ZNF273: variants seen among roughly 807,000 people sequenced by gnomAD.
The protein encoded by ZNF273 is zinc finger protein 273, also known as zinc finger protein 9.
In ZNF273, 11 loss-of-function variants were observed where a neutral mutation model predicts 14.9. That is an observed-to-expected ratio of 0.74 (90% CI 0.46 to 1.22). ZNF273 has a LOEUF of 1.22. Among genes scored for constraint, ZNF273 ranks in the 50% most tolerant of loss-of-function variants. ZNF273 has a pLI of 0.00. For missense variants in ZNF273, 577 were observed against 660.6 expected (o/e 0.87, Z 1.39); for synonymous variants, 199 against 223.9 (o/e 0.89, Z 0.99).
chr7:64,937,266 A>G, the ZNF273 span, among the ~76,000 whole-genome samples: 1 of 152,206 alleles, frequency 6.6e-6, no homozygotes, highest in African/African-American at 2.4e-5. Flanking sequence ...CTCTACCCAC[A>G]TTGACTAATA....
chr7:64,922,062 T>G lies in ZNF273; in HGVS notation c.325+3770T>G, dbSNP rs1010516086. Reference sequence around the variant, plus strand: ...ATTTGACTCAATGCTAAAATGAGTCTCTTGTAGGCAGCATATTTTATGCTT... The same window carrying G: ...ATTTGACTCAATGCTAAAATGAGTCGCTTGTAGGCAGCATATTTTATGCTT... On this transcript the variant is annotated intron_variant, in intron 3 of 3. Coordinates refer to ENST00000476120, the MANE Select transcript of ZNF273 (RefSeq NM_021148.3). Among the ~76,000 whole-genome samples, 6 of 152,092 alleles carry G rather than the reference T, an allele frequency of 3.9e-5. No individual in the cohort carries two copies. In the South Asian group the frequency reaches 1.0e-3, roughly 26 times the overall value.
chr7:64,935,951 A>G (rs1795055883), downstream of ZNF273, among the ~76,000 whole-genome samples: 1 of 152,230 alleles, frequency 6.6e-6, no homozygotes, highest in African/African-American at 2.4e-5. Flanking sequence ...AAATGACCAG[A>G]TTACTAAAAA....
intron 1 of ZNF273, among the ~76,000 whole-genome samples, chr7:64,916,494 G>A (rs1235374614): frequency 4.3e-5 from 6 of 138,802 alleles, no homozygotes; most frequent in East Asian, 4.3e-4. Flanking sequence ...GCACTGAGCC[G>A]AGATCACACC....
At chr7:64,916,587 A>G (rs1794019710) in intron 1 of ZNF273, among the ~76,000 whole-genome samples, 1 of 151,572 alleles carries the variant, frequency 6.6e-6, no homozygotes, top group African/African-American at 2.4e-5. Context: ...AAATAACAAC[A>G]TAAGAGTTAT....
Position 64,930,704 on chromosome 7 carries a change from A to G in ZNF273, c.*1666A>G, listed in dbSNP as rs780399154. 7.9e-5 allele frequency: 12 copies of G among 152,066 alleles called. No homozygotes were observed. Among genetic ancestry groups the G allele is most frequent in the Admixed American group, 3.9e-4 (6 of 15,264 alleles). The allele number at this position is 152,066 out of a possible 1,614,324, so 9.4% of individuals were successfully genotyped here. A position where few individuals can be genotyped will look rare whatever the true frequency, so the allele number is the denominator to read the frequency against. On this transcript the variant is annotated 3_prime_UTR_variant, in exon 4 of 4. Transcript: ENST00000476120. ...AACTGCAGATAAGTTAAATATTCCC[A>G]TAGGTTTTACATTTATATTTTTTCT...
At chr7:64,906,685 TGA>T (rs35516487) in intron 1 of ZNF273, among the ~76,000 whole-genome samples, 63,237 of 151,870 alleles carry the variant, frequency 0.42, 13,369 homozygotes, top group South Asian at 0.45. Context: ...GCCTTTATAC[TGA>T]GAGAAGCTAC....
intron 1 of ZNF273, among the ~76,000 whole-genome samples, chr7:64,914,303 C>T (rs1793795671): frequency 7.1e-6 from 1 of 140,234 alleles, no homozygotes; most frequent in South Asian, 2.3e-4. Context: ...TCCCAAAGTG[C>T]TGGGATTATA....
At chr7:64,919,186 T>C (rs947603587) in intron 3 of ZNF273, among the ~76,000 whole-genome samples, 2 of 152,204 alleles carry the variant, frequency 1.3e-5, no homozygotes, top group African/African-American at 4.8e-5. Context: ...AGGATTATAT[T>C]TTCCATTACT....
At chr7:64,914,691 CTG>C (rs891367627) in intron 1 of ZNF273, among the ~76,000 whole-genome samples, 1 of 152,078 alleles carries the variant, frequency 6.6e-6, no homozygotes, top group African/African-American at 2.4e-5. Flanking sequence ...ATTTTTATCT[CTG>C]TGGAGTAGCT....
Position 64,903,499 on chromosome 7 carries a change from C to G in ZNF273, c.102+80C>G, listed in dbSNP as rs1044490050. On this transcript the variant is annotated intron_variant, in intron 1 of 3. Transcript: ENST00000476120. The stretch of plus-strand genomic sequence containing the variant: ...GTGGGAAGTGGATGTGGCGAGACTC[C>G]GGCCTCCCTGCAGTAGACTCCAAAA... 3 of 1,374,874 alleles carry G rather than the reference C, an allele frequency of 2.2e-6. No homozygotes were observed. The Admixed American group carries it at 5.1e-5, about 24-fold the overall frequency. The allele number at this position is 1,374,874 out of a possible 1,614,324, so 85.2% of individuals were successfully genotyped here.
At chr7:64,903,982 G>T (rs1792912109) in intron 1 of ZNF273, among the ~76,000 whole-genome samples, 1 of 152,188 alleles carries the variant, frequency 6.6e-6, no homozygotes, top group African/African-American at 2.4e-5. Context: ...ATTCAGGGTG[G>T]ACATTTCCTG....
chr7:64,906,827 A>G (rs1033669737), intron 1 of ZNF273, among the ~76,000 whole-genome samples: 15 of 132,668 alleles, frequency 1.1e-4, no homozygotes, highest in African/African-American at 4.0e-4. Context: ...AAAATAAAAC[A>G]AAGTTATGTA....
rs941583139 is a variant in ZNF273, at chr7:64,930,707, G to C, written c.*1669G>C. The C allele has an allele frequency of 1.8e-4, 27 of 151,792 alleles. No individual in the cohort carries two copies. Among genetic ancestry groups the C allele is most frequent in the African/African-American group, 6.3e-4 (26 of 41,320 alleles). 9.4% of individuals were successfully genotyped at this position (151,792 alleles called of 1,614,324 possible). On this transcript the variant is annotated 3_prime_UTR_variant, in exon 4 of 4. Transcript: ENST00000476120. The stretch of plus-strand genomic sequence containing the variant: ...TGCAGATAAGTTAAATATTCCCATA[G>C]GTTTTACATTTATATTTTTTCTTAT...
intron 1 of ZNF273, among the ~76,000 whole-genome samples, chr7:64,907,972 C>T (rs1445133174): frequency 2.6e-5 from 4 of 152,246 alleles, no homozygotes; most frequent in African/African-American, 9.6e-5. Context: ...ACACCCCTCC[C>T]AGGACTAGGA....
At chr7:64,889,658 C>A, downstream of ZNF273, 2 of 985,852 alleles carry the variant, frequency 2.0e-6, no homozygotes, top group Non-Finnish European at 2.4e-6. The surrounding 1 kb of genome is among the most constrained non-coding windows in gnomAD (Gnocchi z 4.2). Flanking sequence ...TGGGTCTGTT[C>A]TGGAACCGTC....
chr7:64,912,826 G>GTTTTGTTTTTTGTTTT (rs746174998), intron 1 of ZNF273, among the ~76,000 whole-genome samples: 7 of 36,576 alleles, frequency 1.9e-4, no homozygotes, highest in South Asian at 1.3e-3. Flanking sequence ...ATTCATTTTA[G>GTTTTGTTTTTTGTTTT]TTTTTTTTTT....
chr7:64,890,392 G>T (rs1020876345), downstream of ZNF273, among the ~76,000 whole-genome samples: 4 of 151,986 alleles, frequency 2.6e-5, no homozygotes, highest in African/African-American at 9.7e-5. Flanking sequence ...GATCAGCTGC[G>T]GTCTGGGTTT....
chr7:64,915,323 A>G (rs1793896198), intron 1 of ZNF273, among the ~76,000 whole-genome samples: 1 of 152,152 alleles, frequency 6.6e-6, no homozygotes, highest in East Asian at 1.9e-4. Flanking sequence ...TTAAAGACAC[A>G]CACAGAAATA....
rs10239290 is a variant in ZNF273 at position 64,915,829 on chromosome 7, A to G, written c.103-1752A>G. ...TTCATTTGTGTTCTCCATTAGCTCT[A>G]TGCAGAACAGAATTAACAAAATGCT... On this transcript the variant is annotated intron_variant, in intron 1 of 3. Coordinates refer to ENST00000476120, the MANE Select transcript of ZNF273 (RefSeq NM_021148.3). Among the ~76,000 whole-genome samples the G allele has an allele frequency of 6.5e-3, 992 of 152,284 alleles. 2 individuals carry two copies. The highest frequency in any genetic ancestry group is 0.022 in the African/African-American group (925 of 41,528).
Sources: allele counts gnomAD v4.1 joint callset (sites outside exome capture counted in the v4.1 genomes callset), GRCh38; gene constraint gnomAD v4.1.1; non-coding constraint Gnocchi (gnomAD v3.1); transcripts MANE v1.5; gene names NCBI Gene and HGNC (gene_info 2026-07-23, HGNC 2026-07-21).